Variants in SYT2 observed in about 807,000 individuals in gnomAD.
SYT2 encodes synaptotagmin 2.
SYT2 carries 15 observed loss-of-function variants against 39.9 expected under a neutral mutation model. The observed-to-expected ratio is 0.38, with a 90% CI of 0.25 to 0.58. SYT2 has a LOEUF of 0.58. Ranked by LOEUF, SYT2 falls within the 20% of genes least tolerant of loss-of-function variation. The pLI is 0.70. For missense variants in SYT2, 389 were observed against 530.3 expected (o/e 0.73, Z 2.62); for synonymous variants, 181 against 204.5 (o/e 0.89, Z 0.98).
chr1:202,621,483 G>C (rs1433205034), intron 1 of SYT2, among the ~76,000 whole-genome samples: 2 of 152,080 alleles, frequency 1.3e-5, no homozygotes, highest in Admixed American at 6.5e-5. Context: ...TTTTCATAGA[G>C]ACAGGGTACC....
At chr1:202,673,871 C>T (rs1436366113) in intron 1 of SYT2, among the ~76,000 whole-genome samples, 1 of 152,216 alleles carries the variant, frequency 6.6e-6, no homozygotes, top group Admixed American at 6.5e-5. Context: ...GTTCTGATCT[C>T]ATTTGCCATT....
At chr1:202,691,732 G>GGAGAGA (rs1164044356) in intron 1 of SYT2, among the ~76,000 whole-genome samples, 4 of 8,320 alleles carry the variant, frequency 4.8e-4, no homozygotes, top group African/African-American at 8.7e-4. Context: ...GGAGAGGGGG[G>GGAGAGA]GAGAGAGAGA....
chr1:202,639,719 C>T lies in SYT2; in HGVS notation c.-17-33930G>A, dbSNP rs111949391. Reference sequence around the variant, plus strand: ...CTCATGCTGCTTGCTTGGCCTTTGGCCTTTGTGGCTGAGCTCTTCCTTTCT... The same window carrying T: ...CTCATGCTGCTTGCTTGGCCTTTGGTCTTTGTGGCTGAGCTCTTCCTTTCT... On this transcript the variant is annotated intron_variant, in intron 1 of 8. Coordinates refer to ENST00000367268, the MANE Select transcript of SYT2 (RefSeq NM_177402.5). 12,781 of 985,374 alleles carry T rather than the reference C, an allele frequency of 0.013. 1,139 individuals are homozygous for T. In the African/African-American group the frequency reaches 0.2, roughly 15 times the overall value. 61.0% of individuals were successfully genotyped at this position (985,374 alleles called of 1,614,324 possible).
At chr1:202,665,870 C>T (rs929513391) in intron 1 of SYT2, among the ~76,000 whole-genome samples, 3 of 152,120 alleles carry the variant, frequency 2.0e-5, no homozygotes, top group African/African-American at 7.2e-5. Flanking sequence ...AAAAAGCTAA[C>T]TAGCCGGGCG....
rs1690311705 is a variant in SYT2 at position 202,596,760 on chromosome 1, C to T, written c.1257G>A (p.Lys419=). 1 of 1,613,268 alleles carries T rather than the reference C, an allele frequency of 6.2e-7. No individual in the cohort carries two copies. The highest frequency in any genetic ancestry group is 1.3e-5 in the African/African-American group (1 of 74,938). ...GTGGGGTCCCAGCCGCTGCTGTCTA[C>T]TTGTTCTTGCCCAGGAGTGCATCCA... The part of the protein sequence containing the change: ...EEVDALLGKN[K] Residue 419 remains lysine, a synonymous_variant, in exon 9 of 9, where the codon AAG becomes AAA. Coordinates refer to ENST00000367268, the MANE Select transcript of SYT2 (RefSeq NM_177402.5).
rs553792898 is a variant in SYT2 at position 202,634,050 on chromosome 1, T to G, written c.-17-28261A>C. ...GGGTCCAAATCCTGGCTCTCTTAGC[T>G]GAGTCTCCTTGGACAAATCCCTTGA... On this transcript the variant is annotated intron_variant, in intron 1 of 8. Transcript: ENST00000367268. 3.9e-5 allele frequency among the ~76,000 whole-genome samples: 6 copies of G among 152,364 alleles called. No homozygotes were observed. In the South Asian group the frequency reaches 1.0e-3, roughly 26 times the overall value.
chr1:202,667,477 G>A (rs1692501564), intron 1 of SYT2, among the ~76,000 whole-genome samples: 1 of 30,764 alleles, frequency 3.3e-5, no homozygotes, highest in African/African-American at 5.4e-5. Flanking sequence ...GTGTGTGTGT[G>A]TGTGTGTGTG....
intron 1 of SYT2, among the ~76,000 whole-genome samples, chr1:202,625,253 G>C (rs1406313736): frequency 7.7e-6 from 1 of 129,978 alleles, no homozygotes; most frequent in African/African-American, 3.3e-5. Flanking sequence ...TGTGTGTGGT[G>C]TGTGTGGCAT....
At chr1:202,705,187 G>A (rs1303227852) in intron 1 of SYT2, among the ~76,000 whole-genome samples, 1 of 152,260 alleles carries the variant, frequency 6.6e-6, no homozygotes, top group African/African-American at 2.4e-5. Flanking sequence ...ATGATCTGGG[G>A]ATTTTGAACA....
At chr1:202,652,379 T>A (rs1356518598) in intron 1 of SYT2, among the ~76,000 whole-genome samples, 1 of 152,224 alleles carries the variant, frequency 6.6e-6, no homozygotes, top group African/African-American at 2.4e-5. Flanking sequence ...GTCTTCACTG[T>A]TCTTCATCTC....
intron 1 of SYT2, among the ~76,000 whole-genome samples, chr1:202,642,470 G>A (rs1254249640): frequency 1.3e-5 from 2 of 152,108 alleles, no homozygotes; most frequent in African/African-American, 4.8e-5. Context: ...ACTGAGTAGG[G>A]CCCTCGTTTC....
At chr1:202,701,960 C>CA (rs1654132888) in intron 1 of SYT2, among the ~76,000 whole-genome samples, 2 of 152,188 alleles carry the variant, frequency 1.3e-5, no homozygotes, top group Non-Finnish European at 2.9e-5. Flanking sequence ...ATCTGACTCC[C>CA]AGCCACACAC....
At chr1:202,640,561 T>A (rs1015965450) in intron 1 of SYT2, among the ~76,000 whole-genome samples, 20 of 152,068 alleles carry the variant, frequency 1.3e-4, no homozygotes, top group African/African-American at 4.3e-4. Context: ...TCTCAGTTGG[T>A]CCATTCCTAG....
At chr1:202,692,516 G>A (rs114910669) in intron 1 of SYT2, among the ~76,000 whole-genome samples, 6,286 of 152,264 alleles carry the variant, frequency 0.041, 214 homozygotes, top group Non-Finnish European at 0.069. Flanking sequence ...TCACCTACAG[G>A]TTAAACTGGC....
At position 202,696,910 on chromosome 1, in the gene SYT2, C is replaced by T. The variant is rs113715511; in HGVS notation, c.-18+13348G>A. Among the ~76,000 whole-genome samples the T allele has an allele frequency of 8.9e-3, 1,354 of 152,344 alleles. 18 individuals carry two copies. The highest frequency in any genetic ancestry group is 0.031 in the African/African-American group (1,296 of 41,572). On this transcript the variant is annotated intron_variant, in intron 1 of 8. Transcript: ENST00000367268. ...ATTTAATGAGTCTATCTGCCTTCAT[C>T]CATACCTTTCCTCCCCATCACCTCT...
At chr1:202,637,913 G>A (rs1451422248) in intron 1 of SYT2, among the ~76,000 whole-genome samples, 1 of 152,228 alleles carries the variant, frequency 6.6e-6, no homozygotes, top group African/African-American at 2.4e-5. Flanking sequence ...GGCCCCTTCA[G>A]GGGCAGGTAA....
intron 1 of SYT2, among the ~76,000 whole-genome samples, chr1:202,669,079 C>T (rs75288549): frequency 0.012 from 1,787 of 152,278 alleles, 27 homozygotes; most frequent in African/African-American, 0.041. Flanking sequence ...TAATTCCACA[C>T]AAGCCATGAA....
intron 1 of SYT2, among the ~76,000 whole-genome samples, chr1:202,706,380 G>C (rs1284780164): frequency 6.6e-6 from 1 of 151,918 alleles, no homozygotes; most frequent in African/African-American, 2.4e-5. Flanking sequence ...TGTGTGTGTG[G>C]GCAGGAAAAG....
chr1:202,664,550 C>T (rs1240842438), intron 1 of SYT2, among the ~76,000 whole-genome samples: 1 of 152,180 alleles, frequency 6.6e-6, no homozygotes, highest in African/African-American at 2.4e-5. Flanking sequence ...CCTATCATCC[C>T]CAGCACCAGG....
Sources: gnomAD v4.1 joint callset for allele counts (sites outside exome capture counted in the v4.1 genomes callset) on GRCh38, gnomAD v4.1.1 for gene constraint, MANE v1.5 for transcripts, NCBI Gene and HGNC (gene_info 2026-07-23, HGNC 2026-07-21) for gene names.